Variants in ABCD2 observed in about 807,000 individuals in gnomAD.
ABCD2 encodes ATP binding cassette subfamily D member 2.
ABCD2 carries 36 observed loss-of-function variants against 70.9 expected under a neutral mutation model. The observed-to-expected ratio is 0.51, with a 90% CI of 0.39 to 0.67. The LOEUF is 0.67. Among genes scored for constraint, ABCD2 ranks in the 30% least tolerant of loss-of-function variants. The probability of loss-of-function intolerance (pLI) is 0.00; values close to 1 mark genes in which losing one functional copy is unlikely to be tolerated. For missense variants in ABCD2, 729 were observed against 890.2 expected (o/e 0.82, Z 2.30); for synonymous variants, 304 against 306.9 (o/e 0.99, Z 0.10).
At chr12:39,618,298 G>A (rs745835173) in intron 1 of ABCD2, among the ~76,000 whole-genome samples, 21 of 152,096 alleles carry the variant, frequency 1.4e-4, no homozygotes, top group Non-Finnish European at 2.6e-4. Flanking sequence ...GTGGAAATAT[G>A]TTTAGTCTTA....
intron 9 of ABCD2, among the ~76,000 whole-genome samples, chr12:39,572,550 T>C (rs1941462201): frequency 6.6e-6 from 1 of 152,192 alleles, no homozygotes; most frequent in Non-Finnish European, 1.5e-5. Flanking sequence ...ATAGATTATC[T>C]TTTCAATATA....
chr12:39,560,239 C>A (rs1424253450), intron 9 of ABCD2, among the ~76,000 whole-genome samples: 1 of 152,138 alleles, frequency 6.6e-6, no homozygotes, highest in East Asian at 1.9e-4. Context: ...CACTTCCCAC[C>A]TATGAGTGAG....
chr12:39,544,424 C>A, the ABCD2 span, among the ~76,000 whole-genome samples: 1 of 152,156 alleles, frequency 6.6e-6, no homozygotes, highest in Admixed American at 6.5e-5. Context: ...CCTACAAAGA[C>A]AATCTAGTCC....
chr12:39,551,656 T>C lies in ABCD2; in HGVS notation c.*2256A>G, dbSNP rs550407823. 2 of 151,820 alleles carry C rather than the reference T, an allele frequency of 1.3e-5. No homozygotes were observed. The highest frequency in any genetic ancestry group is 4.8e-5 in the African/African-American group (2 of 41,516). The allele number at this position is 151,820 out of a possible 1,614,324, so 9.4% of individuals were successfully genotyped here. On this transcript the variant is annotated 3_prime_UTR_variant, in exon 10 of 10. Transcript: ENST00000308666. ...TAGAACTTTAACATTTAAATTACAG[T>C]GTACATAGTTTTTAATACAGAATTT...
intron 6 of ABCD2, among the ~76,000 whole-genome samples, chr12:39,594,676 A>T (rs574828621): frequency 6.6e-6 from 1 of 152,228 alleles, no homozygotes; most frequent in African/African-American, 2.4e-5. Flanking sequence ...TTAGAAAAAC[A>T]GTTGAAGAAT....
chr12:39,546,019 C>G (rs1018796725), downstream of ABCD2, among the ~76,000 whole-genome samples: 156 of 152,226 alleles, frequency 1.0e-3, no homozygotes, highest in African/African-American at 3.5e-3. Context: ...CTTTTATTAT[C>G]ACCATCCTGT....
At chr12:39,602,678 A>G (rs147431675) in intron 5 of ABCD2, among the ~76,000 whole-genome samples, 18 of 151,894 alleles carry the variant, frequency 1.2e-4, no homozygotes, top group Non-Finnish European at 2.7e-4. Flanking sequence ...AGATACTTTC[A>G]CTAGACTGAG....
intron 6 of ABCD2, among the ~76,000 whole-genome samples, chr12:39,587,058 T>C (rs1941675937): frequency 6.6e-6 from 1 of 152,212 alleles, no homozygotes; most frequent in Non-Finnish European, 1.5e-5. Flanking sequence ...TTTGACCTCC[T>C]TCTGGGAATT....
intron 9 of ABCD2, among the ~76,000 whole-genome samples, chr12:39,571,975 C>A (rs1941454605): frequency 6.6e-6 from 1 of 152,070 alleles, no homozygotes; most frequent in African/African-American, 2.4e-5. Context: ...TCAGAAATGA[C>A]AACCTGAAAT....
At chr12:39,595,092 A>C (rs1469455199) in intron 6 of ABCD2, among the ~76,000 whole-genome samples, 2 of 152,152 alleles carry the variant, frequency 1.3e-5, no homozygotes, top group African/African-American at 4.8e-5. Context: ...AAAAGAAGAT[A>C]GCTGAAGATA....
At chr12:39,535,186 C>T in the ABCD2 span, among the ~76,000 whole-genome samples, 6 of 152,156 alleles carry the variant, frequency 3.9e-5, no homozygotes, top group African/African-American at 1.4e-4. Flanking sequence ...CCAATCCACT[C>T]TCCCTGACCA....
chr12:39,568,161 G>T (rs1941387028), intron 9 of ABCD2, among the ~76,000 whole-genome samples: 1 of 152,104 alleles, frequency 6.6e-6, no homozygotes, highest in African/African-American at 2.4e-5. Flanking sequence ...TCGTGAATTT[G>T]AATGTTGGCC....
chr12:39,553,813 T>A lies in ABCD2; in HGVS notation c.*99A>T, dbSNP rs2120515758. 1 of 890,274 alleles carries A rather than the reference T, an allele frequency of 1.1e-6. No individual in the cohort carries two copies. Among genetic ancestry groups the A allele is most frequent in the African/African-American group, 1.7e-5 (1 of 58,896 alleles). The allele number at this position is 890,274 out of a possible 1,614,324, so 55.1% of individuals were successfully genotyped here. A position where few individuals can be genotyped will look rare whatever the true frequency, so the allele number is the denominator to read the frequency against. ...ATCTTATAAAACATGTCTTGCTGCC[T>A]TTTTTTCTCTGTGCTTAGCTTAACA... On this transcript the variant is annotated 3_prime_UTR_variant, in exon 10 of 10. Transcript: ENST00000308666.
intron 6 of ABCD2, among the ~76,000 whole-genome samples, chr12:39,598,602 G>C (rs1941853221): frequency 6.6e-6 from 1 of 151,962 alleles, no homozygotes; most frequent in Non-Finnish European, 1.5e-5. Context: ...GTTTCTCCAT[G>C]TTGGTCAGGC....
intron 6 of ABCD2, among the ~76,000 whole-genome samples, chr12:39,596,674 G>C (rs1281558271): frequency 6.6e-6 from 1 of 152,136 alleles, no homozygotes; most frequent in Non-Finnish European, 1.5e-5. Context: ...GTGGGCCTTA[G>C]TATTTGGGCC....
intron 6 of ABCD2, among the ~76,000 whole-genome samples, chr12:39,598,157 C>G (rs1017911718): frequency 5.9e-5 from 9 of 152,124 alleles, no homozygotes; most frequent in Admixed American, 6.5e-5. Flanking sequence ...ACAAAATATA[C>G]TCTATTTTTC....
intron 6 of ABCD2, among the ~76,000 whole-genome samples, chr12:39,589,181 T>A (rs565694251): frequency 7.2e-5 from 11 of 152,258 alleles, no homozygotes; most frequent in African/African-American, 2.2e-4. Context: ...AAATACAAAA[T>A]GTGTTTTGTG....
chr12:39,590,923 A>C (rs1941736737), intron 6 of ABCD2, among the ~76,000 whole-genome samples: 1 of 152,184 alleles, frequency 6.6e-6, no homozygotes, highest in African/African-American at 2.4e-5. Context: ...AATTGAGAGC[A>C]AAAAACCAAT....
At chr12:39,535,542 G>T in the ABCD2 span, among the ~76,000 whole-genome samples, 1 of 152,026 alleles carries the variant, frequency 6.6e-6, no homozygotes, top group Non-Finnish European at 1.5e-5. Context: ...TCTACAAATA[G>T]TCCAAAATAA....
Sources: allele counts gnomAD v4.1 joint callset (sites outside exome capture counted in the v4.1 genomes callset), GRCh38; gene constraint gnomAD v4.1.1; transcripts MANE v1.5; gene names NCBI Gene and HGNC (gene_info 2026-07-23, HGNC 2026-07-21).